Variants in SF3B1 observed in about 807,000 individuals in gnomAD.
The protein encoded by SF3B1 is pre-mRNA processing 10.
A neutral mutation model predicts 153.8 loss-of-function variants in SF3B1; 12 were observed. The ratio of observed to expected loss-of-function variants is 0.08; its 90% CI spans 0.05 to 0.13. SF3B1 has a LOEUF of 0.13. SF3B1 is among the 10% of genes least tolerant of loss of function. The pLI is 1.00. For synonymous variants in SF3B1, 498 were observed against 525.2 expected (o/e 0.95, Z 0.71); for missense variants, 513 against 1,606.1 (o/e 0.32, Z 11.63).
chr2:197,413,229 T>C (rs1371530544), intron 6 of SF3B1, among the ~76,000 whole-genome samples: 3 of 151,880 alleles, frequency 2.0e-5, no homozygotes, highest in Admixed American at 1.3e-4. Context: ...GGAGAAACCC[T>C]GTCTCTACTA....
At position 197,409,916 on chromosome 2, in the gene SF3B1, A is replaced by G. The variant is rs1404578127; in HGVS notation, c.758T>C (p.Ile253Thr). 6.2e-7 allele frequency: 1 copy of G among 1,614,082 alleles called. No homozygotes were observed. Among genetic ancestry groups the G allele is most frequent in the Non-Finnish European group, 8.5e-7 (1 of 1,180,004 alleles). The change falls in exon 7 of 25, where the codon ATA becomes ACA. Residue 253 changes from isoleucine (I) to threonine (T), a missense_variant. By Grantham distance (89) the Ile-to-Thr change is moderately conservative. This residue lies in a region of SF3B1 where 91 missense variants were observed against 157.4 expected (regional missense o/e 0.58). Coordinates refer to ENST00000335508, the MANE Select transcript of SF3B1 (RefSeq NM_012433.4). Reference sequence around the variant, plus strand: ...TGTGTGGCTAGGTGTAGGATCCCATATTTTTGAGCCTGGGGTTGCTCCAGG... The same window carrying G: ...TGTGTGGCTAGGTGTAGGATCCCATGTTTTTGAGCCTGGGGTTGCTCCAGG... ...ETPGATPGSK[I>T]WDPTPSHTPA...
At chr2:197,411,682 A>AT (rs575582361) in intron 6 of SF3B1, among the ~76,000 whole-genome samples, 144 of 151,690 alleles carry the variant, frequency 9.5e-4, no homozygotes, top group Admixed American at 2.4e-3. Context: ...AAAAAAAAAA[A>AT]GAAAAAAAGT....
Position 197,391,520 on chromosome 2 carries a change from T to C in SF3B1, c.*783A>G, listed in dbSNP as rs1422661758. On this transcript the variant is annotated 3_prime_UTR_variant, in exon 25 of 25. Transcript: ENST00000335508. Reference sequence around the variant, plus strand: ...ATTGTCCTGTTCTATCAGCATTACTTAGGTATCCTCACTCCTAATAGGCAG... The same window carrying C: ...ATTGTCCTGTTCTATCAGCATTACTCAGGTATCCTCACTCCTAATAGGCAG... 5 of 152,238 alleles carry C rather than the reference T, an allele frequency of 3.3e-5. No homozygotes were observed. Among genetic ancestry groups the C allele is most frequent in the Admixed American group, 6.5e-5 (1 of 15,278 alleles). The allele number at this position is 152,238 out of a possible 1,614,324, so 9.4% of individuals were successfully genotyped here.
rs2084813876 is a variant in SF3B1, at chr2:197,391,947, A to C, written c.*356T>G. 1 of 196,886 alleles carries C rather than the reference A, an allele frequency of 5.1e-6. No individual in the cohort carries two copies. Among genetic ancestry groups the C allele is most frequent in the Admixed American group, 6.1e-5 (1 of 16,480 alleles). 12.2% of individuals were successfully genotyped at this position (196,886 alleles called of 1,614,324 possible). A position where few individuals can be genotyped will look rare whatever the true frequency, so the allele number is the denominator to read the frequency against. ...ACTTTATCAAAGTTCCGCATTTTAC[A>C]AGTCATGTTCAAAAAACACACACAA... is the stretch of plus-strand genomic sequence containing the variant. On this transcript the variant is annotated 3_prime_UTR_variant, in exon 25 of 25. Transcript: ENST00000335508.
In SF3B1 at chr2:197,428,980, A is replaced by G. The variant is rs2085382011; in HGVS notation, c.29-5006T>C. ...AGTGAAACTCCATCTCAAAAAAAAA[A>G]GGCGGGGGTTGGCAACTATGAAAAT... On this transcript the variant is annotated intron_variant, in intron 1 of 24. Coordinates refer to ENST00000335508, the MANE Select transcript of SF3B1 (RefSeq NM_012433.4). 2.6e-5 allele frequency among the ~76,000 whole-genome samples: 4 copies of G among 152,122 alleles called. No individual in the cohort carries two copies. The South Asian group carries it at 8.3e-4, about 32-fold the overall frequency.
chr2:197,393,385 C>T, intron 23 of SF3B1, 197 bp from the exon 24 acceptor site: 1 of 561,576 alleles, frequency 1.8e-6, no homozygotes. Context: ...ATAGCTTCCA[C>T]TTGAGGACTT....
At chr2:197,420,909 A>G (rs1474753859) in intron 3 of SF3B1, 120 bp downstream of exon 3, 1 of 673,026 alleles carries the variant, frequency 1.5e-6, no homozygotes, top group East Asian at 2.9e-5. Flanking sequence ...ACACCTTTAC[A>G]AAATAAGTTA....
Position 197,402,216 on chromosome 2 carries a change from A to G in SF3B1, c.2078-86T>C, listed in dbSNP as rs2105985858. On this transcript the variant is annotated intron_variant, in intron 14 of 24. Transcript: ENST00000335508. This position sits in a 1 kb window ranked among gnomAD's most constrained non-coding sequence, Gnocchi z 4.6. ...TCCAGATTCTCTCAATATATCAACT[A>G]TTCAGCCAAACTGCAGAATATGTTC... The G allele has an allele frequency of 6.8e-7, 1 of 1,476,090 alleles. No homozygotes were observed. The highest frequency in any genetic ancestry group is 9.1e-7 in the Non-Finnish European group (1 of 1,096,628). The allele number at this position is 1,476,090 out of a possible 1,614,324, so 91.4% of individuals were successfully genotyped here. A position where few individuals can be genotyped will look rare whatever the true frequency, so the allele number is the denominator to read the frequency against.
intron 2 of SF3B1, among the ~76,000 whole-genome samples, chr2:197,421,787 G>C (rs2085246524): frequency 6.6e-6 from 1 of 152,028 alleles, no homozygotes. Flanking sequence ...AGACCAGCCT[G>C]GGCAACATGG....
At chr2:197,406,455 A>G (rs1559267724) in intron 9 of SF3B1, among the ~76,000 whole-genome samples, 1 of 152,244 alleles carries the variant, frequency 6.6e-6, no homozygotes, top group Non-Finnish European at 1.5e-5. Flanking sequence ...CATTTTGGAT[A>G]AAGTGGATAC....
intron 2 of SF3B1, among the ~76,000 whole-genome samples, chr2:197,422,746 C>T (rs1168206114): frequency 2.6e-5 from 4 of 151,714 alleles, no homozygotes; most frequent in South Asian, 2.1e-4. Context: ...AAAAATTAGC[C>T]GGACTTGGTG....
At chr2:197,406,621 A>C (rs2084996509) in intron 9 of SF3B1, among the ~76,000 whole-genome samples, 1 of 152,240 alleles carries the variant, frequency 6.6e-6, no homozygotes, top group Non-Finnish European at 1.5e-5. Flanking sequence ...AGTGACACTA[A>C]GGAAATCAAT....
intron 23 of SF3B1, among the ~76,000 whole-genome samples, chr2:197,393,520 T>G (rs1474359139): frequency 6.6e-6 from 1 of 151,940 alleles, no homozygotes; most frequent in Non-Finnish European, 1.5e-5. Flanking sequence ...TGGTGTGATC[T>G]TGGCTCACTG....
At position 197,400,655 on chromosome 2, in the gene SF3B1, T is replaced by G; in HGVS notation, c.2718+60A>C. The stretch of plus-strand genomic sequence containing the variant: ...ATTCTAGAAAAATTTGCTTGACAAC[T>G]AATATGCTTTTCTACAAATATTAAA... On this transcript the variant is annotated intron_variant, in intron 18 of 24. Transcript: ENST00000335508. The surrounding 1 kb of genome is among the most constrained non-coding windows in gnomAD (Gnocchi z 5.0). The G allele has an allele frequency of 7.5e-7, 1 of 1,340,666 alleles. No homozygotes were observed. Among genetic ancestry groups the G allele is most frequent in the Non-Finnish European group, 1.0e-6 (1 of 960,920 alleles). The allele number at this position is 1,340,666 out of a possible 1,614,324, so 83.0% of individuals were successfully genotyped here.
In SF3B1 at chr2:197,400,644, T is replaced by G. The variant is rs117076100; in HGVS notation, c.2718+71A>C. ...AATTCAATTGCATTCTAGAAAAATT[T>G]GCTTGACAACTAATATGCTTTTCTA... is the stretch of plus-strand genomic sequence containing the variant. On this transcript the variant is annotated intron_variant, in intron 18 of 24. Coordinates refer to ENST00000335508, the MANE Select transcript of SF3B1 (RefSeq NM_012433.4). This position sits in a 1 kb window ranked among gnomAD's most constrained non-coding sequence, Gnocchi z 5.0. 1,263 of 1,248,532 alleles carry G rather than the reference T, an allele frequency of 1.0e-3. 15 individuals are homozygous for G. The East Asian group carries it at 0.027, about 27-fold the overall frequency. 77.3% of individuals were successfully genotyped at this position (1,248,532 alleles called of 1,614,324 possible). A position where few individuals can be genotyped will look rare whatever the true frequency, so the allele number is the denominator to read the frequency against.
In SF3B1 at chr2:197,413,587, A is replaced by G. The variant is rs567502640; in HGVS notation, c.666+3154T>C. Among the ~76,000 whole-genome samples, 38 of 152,182 alleles carry G rather than the reference A, an allele frequency of 2.5e-4. 2 individuals carry two copies. In the South Asian group the frequency reaches 7.7e-3, roughly 31 times the overall value. On this transcript the variant is annotated intron_variant, in intron 6 of 24. Coordinates refer to ENST00000335508, the MANE Select transcript of SF3B1 (RefSeq NM_012433.4). ...TTGGGGAAATACTGCATGATCTGATAGGTTTTTTCTTGGTTTATAAATTAA... is the reference window on the plus strand; with the variant it reads ...TTGGGGAAATACTGCATGATCTGATGGGTTTTTTCTTGGTTTATAAATTAA...
In SF3B1 at chr2:197,391,111, A is replaced by C. The variant is rs2084805911; in HGVS notation, c.*1192T>G. On this transcript the variant is annotated 3_prime_UTR_variant, in exon 25 of 25. Transcript: ENST00000335508. Reference sequence around the variant, plus strand: ...CAAAACTAAGAAATTTGGGGCCATAACATTAGAAAAGTTTGAAAATATACT... The same window carrying C: ...CAAAACTAAGAAATTTGGGGCCATACCATTAGAAAAGTTTGAAAATATACT... The C allele has an allele frequency of 6.6e-6, 1 of 152,230 alleles. No homozygotes were observed. The highest frequency in any genetic ancestry group is 2.1e-4 in the South Asian group (1 of 4,830). The allele number at this position is 152,230 out of a possible 1,614,324, so 9.4% of individuals were successfully genotyped here.
rs2105984042 is a variant in SF3B1, at chr2:197,401,714, T to C, written c.2370+28A>G. ...TGTTAGAACCATGAAACATATCCAG[T>C]TTACATTAACAAATCTGGAATAATT... On this transcript the variant is annotated intron_variant, in intron 16 of 24. Transcript: ENST00000335508. The surrounding 1 kb of genome is among the most constrained non-coding windows in gnomAD (Gnocchi z 4.2). 6.3e-7 allele frequency: 1 copy of C among 1,594,566 alleles called. No individual in the cohort carries two copies. The highest frequency in any genetic ancestry group is 1.7e-4 in the Middle Eastern group (1 of 6,016).
At chr2:197,420,643 A>C in intron 3 of SF3B1, 101 bp from the exon 4 acceptor site, 1 of 674,384 alleles carries the variant, frequency 1.5e-6, no homozygotes, top group Non-Finnish European at 2.6e-6. Context: ...AATGTTTAAT[A>C]CATGCCTACT....
Sources: allele counts gnomAD v4.1 joint callset (sites outside exome capture counted in the v4.1 genomes callset), GRCh38; gene constraint gnomAD v4.1.1; regional missense constraint gnomAD v4.1.1; non-coding constraint Gnocchi (gnomAD v3.1); transcripts MANE v1.5; gene names NCBI Gene and HGNC (gene_info 2026-07-23, HGNC 2026-07-21).